AGBL1: variants seen among roughly 807,000 people sequenced by gnomAD.
The protein encoded by AGBL1 is AGBL carboxypeptidase 1, also known as cytosolic carboxypeptidase 4.
A neutral mutation model predicts 118.9 loss-of-function variants in AGBL1; 130 were observed. The ratio of observed to expected loss-of-function variants is 1.09; its 90% CI spans 0.95 to 1.26. The LOEUF is 1.26. Ranked by LOEUF, AGBL1 falls within the 50% of genes most tolerant of loss-of-function variation. The probability of loss-of-function intolerance (pLI) is 0.00; values close to 1 mark genes in which losing one functional copy is unlikely to be tolerated. For synonymous variants in AGBL1, 555 were observed against 478.9 expected (o/e 1.16, Z -2.08); for missense variants, 1,584 against 1,298.1 (o/e 1.22, Z -3.38).
At chr15:86,542,125 G>A (rs2083507052) in intron 19 of AGBL1, among the ~76,000 whole-genome samples, 1 of 152,196 alleles carries the variant, frequency 6.6e-6, no homozygotes, top group Non-Finnish European at 1.5e-5. Context: ...CTCAACAATA[G>A]TCTACATTTA....
Position 86,674,392 on chromosome 15 carries a change from T to C in AGBL1, c.3114T>C (p.Thr1038=), listed in dbSNP as rs2085800419. 1.2e-6 allele frequency: 2 copies of C among 1,613,322 alleles called. No individual in the cohort carries two copies. The highest frequency in any genetic ancestry group is 2.2e-5 in the South Asian group (2 of 90,978). ...ATCAGCTCCTGGCTCAAGCTGCAAC[T>C]CTGCTGAGTGCTGAGGAGGACGCTC... The part of the protein sequence containing the change: ...CSHQLLAQAA[T]LLSAEEDALD... The change falls in exon 22 of 23, where the codon ACT becomes ACC. Residue 1038 remains threonine, a synonymous_variant. Transcript: ENST00000614907.
chr15:86,196,944 C>T (rs1252631249), intron 5 of AGBL1, among the ~76,000 whole-genome samples: 1 of 150,426 alleles, frequency 6.6e-6, no homozygotes, highest in East Asian at 2.0e-4. Flanking sequence ...CATATGAGGA[C>T]ATGCTGAGAA....
chr15:86,223,825 A>G (rs1462264289), intron 5 of AGBL1, among the ~76,000 whole-genome samples: 1 of 152,076 alleles, frequency 6.6e-6, no homozygotes, highest in Non-Finnish European at 1.5e-5. Flanking sequence ...TTATTCTTTC[A>G]TTTATCTTCC....
At chr15:86,439,030 A>G (rs886656138) in intron 18 of AGBL1, among the ~76,000 whole-genome samples, 2 of 152,062 alleles carry the variant, frequency 1.3e-5, no homozygotes, top group Non-Finnish European at 2.9e-5. Context: ...CCTATCTGCT[A>G]TTGAAAATCT....
chr15:86,299,655 A>G (rs2079715137), intron 17 of AGBL1: 1 of 152,142 alleles, frequency 6.6e-6, no homozygotes, highest in African/African-American at 2.4e-5. Flanking sequence ...CCATTGGTTA[A>G]TGGTAGTCTG....
intron 22 of AGBL1, among the ~76,000 whole-genome samples, chr15:86,776,598 G>T (rs1243638830): frequency 2.0e-5 from 3 of 151,462 alleles, no homozygotes; most frequent in Non-Finnish European, 4.4e-5. Context: ...TTTTCATCCA[G>T]TTTGTGACTT....
intron 1 of AGBL1, among the ~76,000 whole-genome samples, chr15:86,132,066 G>A (rs2076827310): frequency 6.6e-6 from 1 of 152,110 alleles, no homozygotes; most frequent in South Asian, 2.1e-4. Context: ...TCAGATTGGG[G>A]TAGGGAAGAC....
At chr15:86,803,027 G>A (rs1437904307) in intron 22 of AGBL1, among the ~76,000 whole-genome samples, 2 of 152,146 alleles carry the variant, frequency 1.3e-5, no homozygotes, top group Admixed American at 6.6e-5. Context: ...CTAAGGAAGT[G>A]AGGGTTCTTT....
At chr15:86,421,408 A>G (rs2081787967) in intron 18 of AGBL1, among the ~76,000 whole-genome samples, 1 of 152,192 alleles carries the variant, frequency 6.6e-6, no homozygotes. Context: ...AAATGCTGAG[A>G]TATTTTGTCA....
intron 22 of AGBL1, among the ~76,000 whole-genome samples, chr15:86,763,635 A>G (rs1040369574): frequency 6.6e-6 from 1 of 151,954 alleles, no homozygotes; most frequent in Non-Finnish European, 1.5e-5. Flanking sequence ...CACAGCTCTC[A>G]CCTTTATTGG....
In AGBL1 at chr15:87,011,346, T is replaced by C. The variant is rs149143741; in HGVS notation, c.3324-17479T>C. 3.7e-4 allele frequency among the ~76,000 whole-genome samples: 56 copies of C among 152,310 alleles called. 2 individuals are homozygous for C. The East Asian group carries it at 0.01, about 27-fold the overall frequency. On this transcript the variant is annotated intron_variant, in intron 24 of 24. Transcript: ENST00000441037. ...GAATAGAAAAGAAACCTTCACTGTG[T>C]TGATCCATTGAGAACATGAAATTGT... is the stretch of plus-strand genomic sequence containing the variant.
intron 17 of AGBL1, among the ~76,000 whole-genome samples, chr15:86,316,164 T>C (rs533361485): frequency 6.6e-6 from 1 of 152,252 alleles, no homozygotes; most frequent in South Asian, 2.1e-4. Flanking sequence ...CCTAACAGGG[T>C]CCCATGACAG....
intron 17 of AGBL1, among the ~76,000 whole-genome samples, chr15:86,372,649 T>C (rs1228420059): frequency 1.3e-5 from 2 of 152,274 alleles, no homozygotes; most frequent in South Asian, 2.1e-4. Flanking sequence ...TTTTCTCTTA[T>C]GGTCGTAGTT....
intron 24 of AGBL1, among the ~76,000 whole-genome samples, chr15:87,026,124 C>A (rs1309644208): frequency 6.6e-6 from 1 of 151,786 alleles, no homozygotes; most frequent in Non-Finnish European, 1.5e-5. Context: ...AGAACCCAAA[C>A]ACAAATACAA....
chr15:86,890,096 G>A (rs1158134351), intron 22 of AGBL1, among the ~76,000 whole-genome samples: 1 of 152,118 alleles, frequency 6.6e-6, no homozygotes, highest in Non-Finnish European at 1.5e-5. Context: ...ATTCTGATTG[G>A]CTTGAGATAG....
At chr15:86,221,454 CAG>C (rs1172005021) in intron 5 of AGBL1, among the ~76,000 whole-genome samples, 1 of 152,192 alleles carries the variant, frequency 6.6e-6, no homozygotes, top group Non-Finnish European at 1.5e-5. Context: ...AGTTGGTTGA[CAG>C]AGTAGTTGCC....
chr15:86,099,643 G>T (rs537669384), intron 1 of AGBL1, among the ~76,000 whole-genome samples: 1 of 151,274 alleles, frequency 6.6e-6, no homozygotes, highest in Admixed American at 6.6e-5. Flanking sequence ...AGGTTCAAGC[G>T]ATTCTCCTGC....
intron 5 of AGBL1, among the ~76,000 whole-genome samples, chr15:86,216,889 A>G (rs1391538107): frequency 6.6e-6 from 1 of 151,850 alleles, no homozygotes; most frequent in Non-Finnish European, 1.5e-5. Context: ...TGCCCATCTC[A>G]CTGTTCCTTG....
At chr15:86,696,511 A>G (rs1407443399) in intron 22 of AGBL1, among the ~76,000 whole-genome samples, 1 of 151,550 alleles carries the variant, frequency 6.6e-6, no homozygotes, top group African/African-American at 2.4e-5. Flanking sequence ...CAGCAGATAG[A>G]TAGATACTTG....
Sources: allele counts gnomAD v4.1 joint callset (sites outside exome capture counted in the v4.1 genomes callset), GRCh38; gene constraint gnomAD v4.1.1; transcripts MANE v1.5; gene names NCBI Gene and HGNC (gene_info 2026-07-23, HGNC 2026-07-21).